POF1B: variants seen among roughly 807,000 people sequenced by gnomAD.
The protein encoded by POF1B is POF1B actin binding protein.
POF1B carries 53 observed loss-of-function variants against 55.3 expected under a neutral mutation model. The observed-to-expected ratio is 0.96, with a 90% CI of 0.77 to 1.20. POF1B has a LOEUF of 1.20. Among genes scored for constraint, POF1B ranks in the 50% most tolerant of loss-of-function variants. POF1B has a pLI of 0.00. For missense variants in POF1B, 478 were observed against 420.5 expected (o/e 1.14, Z -1.20); for synonymous variants, 188 against 148.3 (o/e 1.27, Z -1.95).
At chrX:85,330,767 T>A (rs1206665787) in intron 7 of POF1B, among the ~76,000 whole-genome samples, 182 bp downstream of exon 7, 2 of 111,561 alleles carry the variant, frequency 1.8e-5, no homozygotes, top group Non-Finnish European at 3.8e-5. Flanking sequence ...TGTATACATA[T>A]GTAACAAACC....
chrX:85,304,546 A>T (rs1932529482), intron 13 of POF1B, 75 bp from the exon 14 acceptor site: 4 of 602,558 alleles, frequency 6.6e-6, no homozygotes, highest in Non-Finnish European at 9.1e-6. Flanking sequence ...CAGGGAGGTT[A>T]AGTGACACAA....
At chrX:85,354,965 T>A (rs866012150) in intron 4 of POF1B, among the ~76,000 whole-genome samples, 1 of 111,362 alleles carries the variant, frequency 9.0e-6, no homozygotes, top group African/African-American at 3.3e-5. Context: ...TACTTTAAGG[T>A]TCATATGGAA....
intron 7 of POF1B, among the ~76,000 whole-genome samples, chrX:85,320,735 C>T (rs1367376118): frequency 9.0e-6 from 1 of 111,001 alleles, no homozygotes; most frequent in Admixed American, 9.6e-5. Flanking sequence ...ATCAAACAGA[C>T]ACAATAAAAA....
intron 16 of POF1B, among the ~76,000 whole-genome samples, chrX:85,281,326 A>G (rs965693750): frequency 2.7e-5 from 3 of 110,830 alleles, no homozygotes; most frequent in African/African-American, 9.8e-5. Context: ...TTATGCCGAT[A>G]AGGGACTTGA....
At chrX:85,294,958 T>C (rs1932277371) in intron 15 of POF1B, among the ~76,000 whole-genome samples, 1 of 111,669 alleles carries the variant, frequency 9.0e-6, no homozygotes, top group South Asian at 3.7e-4. Context: ...CTTGGAAGGG[T>C]ATGTGTTTTT....
Position 85,367,677 on chromosome X carries a change from C to T in POF1B, c.357+15G>A, listed in dbSNP as rs181428119. On this transcript the variant is annotated intron_variant, in intron 3 of 16. Transcript: ENST00000262753. The stretch of plus-strand genomic sequence containing the variant: ...AAAGAGGAACAAATCTAATGTAATT[C>T]ACAACTTCTTTTACCTGTTCAGTAT... 51 of 1,116,483 alleles carry T rather than the reference C, an allele frequency of 4.6e-5. No homozygotes were observed. In the African/African-American group the frequency reaches 9.1e-4, roughly 20 times the overall value. 92.0% of individuals were successfully genotyped at this position (1,116,483 alleles called of 1,213,427 possible).
At chrX:85,346,944 T>G (rs1933285034) in intron 5 of POF1B, among the ~76,000 whole-genome samples, 1 of 111,318 alleles carries the variant, frequency 9.0e-6, no homozygotes, top group Non-Finnish European at 1.9e-5. Flanking sequence ...ACCCATGATT[T>G]CCAGCTTAGA....
rs771611752 is a variant in POF1B at position 85,309,357 on chromosome X, CA to C, written c.958-1142del. The stretch of plus-strand genomic sequence containing the variant: ...ATAAATCTCTACTTTTGTTGCTTCA[CA>C]AAAAAAAAAAAGAAAGAAAAAAGAA... On this transcript the variant is annotated intron_variant, in intron 9 of 16. Transcript: ENST00000262753. Among the ~76,000 whole-genome samples, 670 of 79,084 alleles carry C rather than the reference CA, an allele frequency of 8.5e-3. 5 individuals are homozygous for C. Among genetic ancestry groups the C allele is most frequent in the African/African-American group, 8.3e-3 (180 of 21,813 alleles). 68.7% of individuals were successfully genotyped at this position (79,084 alleles called of 115,157 possible). A position where few individuals can be genotyped will look rare whatever the true frequency, so the allele number is the denominator to read the frequency against.
intron 7 of POF1B, among the ~76,000 whole-genome samples, chrX:85,325,752 G>A (rs1389265767): frequency 8.9e-6 from 1 of 111,970 alleles, no homozygotes; most frequent in Non-Finnish European, 1.9e-5. Context: ...AGGCACTCTG[G>A]CTTTTTGAGT....
chrX:85,335,687 AT>A (rs1041538014), intron 6 of POF1B, among the ~76,000 whole-genome samples: 30 of 110,386 alleles, frequency 2.7e-4, no homozygotes, highest in South Asian at 7.5e-4. Flanking sequence ...TATCTTTTAT[AT>A]TTTTTTCTTT....
chrX:85,336,644 T>TA (rs1933079517), intron 6 of POF1B, among the ~76,000 whole-genome samples: 1 of 111,451 alleles, frequency 9.0e-6, no homozygotes, highest in Non-Finnish European at 1.9e-5. Flanking sequence ...TGGCCCATTT[T>TA]AAAAAATTAA....
intron 4 of POF1B, 140 bp from the exon 5 acceptor site, chrX:85,351,591 T>A (rs1383228747): frequency 4.7e-6 from 2 of 423,277 alleles, no homozygotes; most frequent in African/African-American, 5.2e-5. Flanking sequence ...ATCCCAATAA[T>A]GTTGGTAGAT....
intron 1 of POF1B, 40 bp from the exon 2 acceptor site, chrX:85,379,535 A>T: frequency 9.7e-7 from 1 of 1,029,713 alleles, no homozygotes; most frequent in Non-Finnish European, 1.3e-6. Context: ...AAAAAAAGAC[A>T]GGCAAGCAGG....
chrX:85,346,484 T>C (rs1366993188), intron 5 of POF1B, among the ~76,000 whole-genome samples: 1 of 110,193 alleles, frequency 9.1e-6, no homozygotes. Context: ...CATATTAGAA[T>C]CACAGTGGGT....
chrX:85,308,300 G>C (rs1381810357), intron 9 of POF1B, 84 bp from the exon 10 acceptor site: 6 of 541,322 alleles, frequency 1.1e-5, no homozygotes, highest in Non-Finnish European at 1.7e-5. Context: ...TTTCCTACTA[G>C]CAAACTTATT....
chrX:85,335,455 C>G (rs1933054429), intron 6 of POF1B, among the ~76,000 whole-genome samples: 1 of 111,242 alleles, frequency 9.0e-6, no homozygotes, highest in Non-Finnish European at 1.9e-5. Flanking sequence ...CATAGTTAAT[C>G]CAGTGGGCAT....
At chrX:85,351,326 G>GTTTTAAAACTTGT in intron 5 of POF1B, 24 bp downstream of exon 5, 1 of 1,069,616 alleles carries the variant, frequency 9.3e-7, no homozygotes, top group Non-Finnish European at 1.3e-6. Flanking sequence ...TTAAAAACAA[G>GTTTTAAAACTTGT]TTTTAAAACA....
chrX:85,370,184 G>C (rs1270320964), intron 2 of POF1B, among the ~76,000 whole-genome samples: 7 of 112,215 alleles, frequency 6.2e-5, no homozygotes, highest in African/African-American at 2.3e-4. Context: ...AGTATAAGCA[G>C]TATTACTTTA....
At chrX:85,360,317 C>A (rs1319764182) in intron 3 of POF1B, among the ~76,000 whole-genome samples, 1 of 105,787 alleles carries the variant, frequency 9.5e-6, no homozygotes, top group Non-Finnish European at 1.9e-5. Context: ...CCCAACCCTG[C>A]ATTCTTAAGT....
Sources: allele counts gnomAD v4.1 joint callset (sites outside exome capture counted in the v4.1 genomes callset), GRCh38; gene constraint gnomAD v4.1.1; transcripts MANE v1.5; gene names NCBI Gene and HGNC (gene_info 2026-07-23, HGNC 2026-07-21).